OSBPL2: variants seen among roughly 807,000 people sequenced by gnomAD.
OSBPL2 encodes the protein oxysterol-binding protein-related protein 2.
Under a neutral mutation model 58.4 loss-of-function variants are expected in OSBPL2, and 18 were observed. That is an observed-to-expected ratio of 0.31 (90% CI 0.21 to 0.46). The LOEUF is 0.46. Among genes scored for constraint, OSBPL2 ranks in the 20% least tolerant of loss-of-function variants. The pLI, the probability that OSBPL2 is intolerant of heterozygous loss-of-function variation, is 1.00. For synonymous variants in OSBPL2, 221 were observed against 234.1 expected, an observed-to-expected ratio of 0.94 and a Z score of 0.51; for missense variants, 461 against 616.5, an observed-to-expected ratio of 0.75 and a Z score of 2.67.
At chr20:62,263,868 A>T (rs766835303) in intron 4 of OSBPL2, among the ~76,000 whole-genome samples, 177 bp downstream of exon 4, 1 of 152,134 alleles carries the variant, frequency 6.6e-6, no homozygotes, top group African/African-American at 2.4e-5. Context: ...GATCGAGACC[A>T]TCCTGGCTAA....
intron 3 of OSBPL2, among the ~76,000 whole-genome samples, chr20:62,263,060 G>A (rs3787436): frequency 0.4 from 60,714 of 152,024 alleles, 13,026 homozygotes; most frequent in East Asian, 0.52. Flanking sequence ...CAGTGGTCCC[G>A]GTTGATGAGT....
chr20:62,265,429 A>G (rs1179911194), intron 4 of OSBPL2, among the ~76,000 whole-genome samples: 1 of 152,122 alleles, frequency 6.6e-6, no homozygotes, highest in Non-Finnish European at 1.5e-5. Context: ...CACTTATTTC[A>G]GGCACTAAAG....
chr20:62,284,272 G>A (rs1181152741), intron 10 of OSBPL2, 103 bp downstream of exon 10: 2 of 1,396,636 alleles, frequency 1.4e-6, no homozygotes, highest in Non-Finnish European at 2.0e-6. Context: ...GGGAACCTTT[G>A]GGCCCCACCA....
At chr20:62,265,613 T>C (rs991312910) in intron 4 of OSBPL2, among the ~76,000 whole-genome samples, 7 of 152,196 alleles carry the variant, frequency 4.6e-5, no homozygotes, top group Non-Finnish European at 8.8e-5. Context: ...CACTGGAAAA[T>C]ACGAGTGTGC....
chr20:62,293,492 T>C (rs1287118099), intron 13 of OSBPL2, among the ~76,000 whole-genome samples: 1 of 152,248 alleles, frequency 6.6e-6, no homozygotes. Context: ...TTATTTAGGC[T>C]CCAGTAACTT....
chr20:62,270,321 C>T (rs1173866592), intron 4 of OSBPL2, among the ~76,000 whole-genome samples: 1 of 151,720 alleles, frequency 6.6e-6, no homozygotes, highest in Non-Finnish European at 1.5e-5. Context: ...CCCTCCTGGC[C>T]TCTCTGGGTC....
intron 4 of OSBPL2, among the ~76,000 whole-genome samples, chr20:62,264,020 G>A (rs1229417036): frequency 2.1e-4 from 31 of 149,620 alleles, no homozygotes; most frequent in African/African-American, 6.4e-4. Flanking sequence ...AGCCGAGATC[G>A]TGCCATTGCA....
chr20:62,284,313 C>A, intron 10 of OSBPL2, 144 bp downstream of exon 10: 1 of 853,372 alleles, frequency 1.2e-6, no homozygotes, highest in South Asian at 1.5e-5. Flanking sequence ...TTTGTCTGTC[C>A]AGATGAACCA....
intron 9 of OSBPL2, 162 bp downstream of exon 9, chr20:62,282,041 A>T: frequency 2.1e-6 from 1 of 466,374 alleles, no homozygotes; most frequent in Non-Finnish European, 3.9e-6. Context: ...TTTGTTTTGG[A>T]AAGACATTTT....
intron 12 of OSBPL2, 147 bp from the exon 13 acceptor site, chr20:62,291,556 T>G: frequency 8.1e-6 from 6 of 743,714 alleles, no homozygotes; most frequent in Non-Finnish European, 9.4e-6. Flanking sequence ...CAACTGTGAT[T>G]GTGTTTGGTC....
intron 1 of OSBPL2, among the ~76,000 whole-genome samples, chr20:62,239,591 G>A (rs200317227): frequency 6.6e-6 from 1 of 152,218 alleles, no homozygotes; most frequent in East Asian, 1.9e-4. Flanking sequence ...GGTCCCATTC[G>A]GTTTGGTTGG....
chr20:62,260,170 A>AC, intron 3 of OSBPL2, 45 bp downstream of exon 3: 1 of 1,590,660 alleles, frequency 6.3e-7, no homozygotes, highest in Non-Finnish European at 8.6e-7. Flanking sequence ...GTCTGTAATC[A>AC]CCCCAAAAAT....
chr20:62,271,157 A>G (rs1312095785), intron 4 of OSBPL2, among the ~76,000 whole-genome samples: 4 of 151,954 alleles, frequency 2.6e-5, no homozygotes, highest in East Asian at 1.9e-4. Context: ...TGGAATGCCT[A>G]CTGCCCTTGG....
chr20:62,263,485 C>T (rs1268187604), intron 3 of OSBPL2, 131 bp from the exon 4 acceptor site: 1 of 728,468 alleles, frequency 1.4e-6, no homozygotes, highest in Non-Finnish European at 2.4e-6. Context: ...TGTCCCTAGG[C>T]ATGCCAGAAT....
intron 7 of OSBPL2, chr20:62,279,974 C>T (rs1368513877): frequency 2.1e-5 from 27 of 1,304,020 alleles, no homozygotes; most frequent in Admixed American, 9.2e-5. Context: ...CTTGCCACCC[C>T]TCTTCACTCT....
chr20:62,287,678 A>C (rs1157385170), intron 11 of OSBPL2, among the ~76,000 whole-genome samples: 5 of 151,986 alleles, frequency 3.3e-5, no homozygotes, highest in African/African-American at 1.2e-4. Context: ...CTGGTCTCGA[A>C]CTCCTGGCCT....
chr20:62,269,571 A>G lies in OSBPL2; in HGVS notation c.259-2554A>G, dbSNP rs759465962. On this transcript the variant is annotated intron_variant, in intron 4 of 13. Coordinates refer to ENST00000313733, the MANE Select transcript of OSBPL2 (RefSeq NM_144498.4). The surrounding 1 kb of genome is among the most constrained non-coding windows in gnomAD (Gnocchi z 4.2). ...CGTCTCCCCCATGCTCAGGGCTGCC[A>G]CCGGCCGCACTTCCCGGCCTCCCTG... is the stretch of plus-strand genomic sequence containing the variant. 3.9e-5 allele frequency among the ~76,000 whole-genome samples: 6 copies of G among 152,162 alleles called. No homozygotes were observed. The highest frequency in any genetic ancestry group is 2.0e-4 in the Admixed American group (3 of 15,282).
intron 9 of OSBPL2, among the ~76,000 whole-genome samples, chr20:62,283,410 ACT>A (rs1406116908): frequency 2.0e-5 from 3 of 151,712 alleles, no homozygotes; most frequent in African/African-American, 7.3e-5. Flanking sequence ...GTCACGGTTG[ACT>A]CTTCCCAGCA....
At chr20:62,257,011 C>T (rs3787432) in intron 2 of OSBPL2, among the ~76,000 whole-genome samples, 24,827 of 152,298 alleles carry the variant, frequency 0.16, 2,529 homozygotes, top group East Asian at 0.38. Flanking sequence ...TTGATGTTCC[C>T]TTGTCCTTAG....
Sources: gnomAD v4.1 joint callset for allele counts (sites outside exome capture counted in the v4.1 genomes callset) on GRCh38, gnomAD v4.1.1 for gene constraint, Gnocchi (gnomAD v3.1) non-coding constraint, MANE v1.5 for transcripts, NCBI Gene and HGNC (gene_info 2026-07-23, HGNC 2026-07-21) for gene names.